Variants in ARMC9 observed in about 807,000 individuals in gnomAD.
ARMC9 encodes the protein lisH domain-containing protein ARMC9.
ARMC9 carries 94 observed loss-of-function variants against 107.0 expected under a neutral mutation model. The observed-to-expected ratio is 0.88, with a 90% CI of 0.74 to 1.04. ARMC9 has a LOEUF of 1.04. Ranked by LOEUF, ARMC9 falls within the 50% of genes least tolerant of loss-of-function variation. ARMC9 has a pLI of 0.00. For missense variants in ARMC9, 942 were observed against 1,030.1 expected (o/e 0.91, Z 1.17); for synonymous variants, 380 against 396.9 (o/e 0.96, Z 0.51).
At chr2:231,213,315 C>G (rs1314654538) in intron 3 of ARMC9, among the ~76,000 whole-genome samples, 1 of 151,812 alleles carries the variant, frequency 6.6e-6, no homozygotes, top group African/African-American at 2.4e-5. Context: ...AGGCACATGT[C>G]ACCACACCCA....
chr2:231,268,998 G>A (rs749249989), intron 12 of ARMC9, among the ~76,000 whole-genome samples: 1 of 152,168 alleles, frequency 6.6e-6, no homozygotes, highest in Non-Finnish European at 1.5e-5. Context: ...AGCCCAAGAG[G>A]TTGAGGCTGT....
chr2:231,236,449 G>A (rs183138014), intron 8 of ARMC9, among the ~76,000 whole-genome samples: 9 of 152,144 alleles, frequency 5.9e-5, no homozygotes, highest in Non-Finnish European at 7.4e-5. Context: ...TCTATTTGTG[G>A]ACATACAGAT....
chr2:231,316,246 A>G (rs1172965426), intron 19 of ARMC9, among the ~76,000 whole-genome samples: 1 of 151,830 alleles, frequency 6.6e-6, no homozygotes, highest in African/African-American at 2.4e-5. Context: ...TGGTCTCTTA[A>G]CAACAAATTC....
intron 3 of ARMC9, among the ~76,000 whole-genome samples, chr2:231,209,391 A>G (rs2032502984): frequency 6.6e-6 from 1 of 152,190 alleles, no homozygotes; most frequent in Non-Finnish European, 1.5e-5. Context: ...CAAAAAAATT[A>G]AAAAGTCATT....
intron 23 of ARMC9, among the ~76,000 whole-genome samples, chr2:231,364,105 G>C (rs1237091234): frequency 1.3e-5 from 2 of 152,236 alleles, no homozygotes; most frequent in Non-Finnish European, 2.9e-5. Flanking sequence ...AAGTATGTCA[G>C]TCCAGACCAC....
chr2:231,278,502 C>T, intron 16 of ARMC9, 44 bp downstream of exon 16: 1 of 1,581,556 alleles, frequency 6.3e-7, no homozygotes, highest in South Asian at 1.1e-5. Context: ...GGAGGCTACA[C>T]TGGGGACCCA....
intron 9 of ARMC9, among the ~76,000 whole-genome samples, chr2:231,245,857 C>T (rs2036713703): frequency 6.6e-6 from 1 of 152,158 alleles, no homozygotes; most frequent in African/African-American, 2.4e-5. Flanking sequence ...AATGTGAATG[C>T]AGAGACACTG....
chr2:231,330,229 C>CTTT (rs201716312), intron 19 of ARMC9, among the ~76,000 whole-genome samples: 26,033 of 134,566 alleles, frequency 0.19, 3,048 homozygotes, highest in South Asian at 0.27. Flanking sequence ...CTTTTTCTTT[C>CTTT]TTTTTTTTTT....
chr2:231,305,734 G>A (rs1042363001), intron 19 of ARMC9, among the ~76,000 whole-genome samples: 2 of 152,084 alleles, frequency 1.3e-5, no homozygotes, highest in African/African-American at 4.8e-5. Flanking sequence ...TGGGTGGTGG[G>A]GGGAGAATAA....
intron 21 of ARMC9, among the ~76,000 whole-genome samples, chr2:231,348,005 A>G (rs1001147495): frequency 8.5e-5 from 13 of 152,250 alleles, no homozygotes; most frequent in Non-Finnish European, 1.2e-4. Flanking sequence ...AATCTTTGCA[A>G]TGTTAAGTCA....
At chr2:231,291,265 T>G (rs2040967904) in intron 17 of ARMC9, 88 bp from the exon 18 acceptor site, 1 of 1,042,908 alleles carries the variant, frequency 9.6e-7, no homozygotes, top group East Asian at 2.5e-5. Context: ...AAAACATTAT[T>G]TTTTGGATTA....
intron 22 of ARMC9, among the ~76,000 whole-genome samples, chr2:231,359,020 G>A (rs775457322): frequency 1.1e-4 from 16 of 151,538 alleles, no homozygotes; most frequent in Admixed American, 7.9e-4. Context: ...GGAAGACCCC[G>A]GTGCACACCC....
chr2:231,340,887 AAAACAAAC>A (rs567651846), intron 20 of ARMC9, among the ~76,000 whole-genome samples: 81 of 152,174 alleles, frequency 5.3e-4, no homozygotes, highest in African/African-American at 1.8e-3. Context: ...GCTCCGTCTC[AAAACAAAC>A]AAACAAACAA....
intron 1 of ARMC9, among the ~76,000 whole-genome samples, chr2:231,201,360 T>TTGC (rs565352783): frequency 1.1e-3 from 173 of 152,362 alleles, no homozygotes; most frequent in African/African-American, 3.8e-3. Context: ...TCCAGTTCCC[T>TTGC]TGGAGCCTCC....
intron 7 of ARMC9, among the ~76,000 whole-genome samples, chr2:231,230,348 C>T (rs1212930808): frequency 6.6e-6 from 1 of 151,028 alleles, no homozygotes; most frequent in Non-Finnish European, 1.5e-5. Context: ...AGCCAGACTC[C>T]GTCTCAAAAA....
At position 231,363,063 on chromosome 2, in the gene ARMC9, C is replaced by T. The variant is rs552058117; in HGVS notation, c.2261+2180C>T. Among the ~76,000 whole-genome samples the T allele has an allele frequency of 4.7e-5, 7 of 148,386 alleles. No individual in the cohort carries two copies. The East Asian group carries it at 1.4e-3, about 29-fold the overall frequency. ...AATGCAGGGCTGCAGGGAGTGTGCA[C>T]AGTGTGCAAGGTATTCAGGAAGTGC... On this transcript the variant is annotated intron_variant, in intron 23 of 24. Coordinates refer to ENST00000611582, the MANE Select transcript of ARMC9 (RefSeq NM_001352754.2).
At chr2:231,243,440 T>TATTAAGCA (rs1176446847) in intron 9 of ARMC9, among the ~76,000 whole-genome samples, 2 of 152,020 alleles carry the variant, frequency 1.3e-5, no homozygotes. Flanking sequence ...GATGACATGT[T>TATTAAGCA]ATTAAGCACG....
chr2:231,354,444 C>G (rs1297487684), intron 21 of ARMC9, among the ~76,000 whole-genome samples: 1 of 142,724 alleles, frequency 7.0e-6, no homozygotes, highest in Non-Finnish European at 1.5e-5. Context: ...TGCAATGGCG[C>G]AATCTTGGCT....
chr2:231,267,878 A>G (rs552360196), intron 12 of ARMC9, among the ~76,000 whole-genome samples: 2 of 152,310 alleles, frequency 1.3e-5, no homozygotes, highest in South Asian at 4.1e-4. Context: ...GATAAGCCCC[A>G]ACCAAAACGT....
Sources: allele counts gnomAD v4.1 joint callset (sites outside exome capture counted in the v4.1 genomes callset), GRCh38; gene constraint gnomAD v4.1.1; transcripts MANE v1.5; gene names NCBI Gene and HGNC (gene_info 2026-07-23, HGNC 2026-07-21).